Variants in FSIP1 observed in about 807,000 individuals in gnomAD.
FSIP1 encodes the protein fibrous sheath interacting protein 1.
FSIP1 carries 65 observed loss-of-function variants against 60.9 expected under a neutral mutation model. That is an observed-to-expected ratio of 1.07 (90% CI 0.87 to 1.31). The LOEUF is 1.31. FSIP1 is among the 40% of genes most tolerant of loss of function. The pLI, the probability that FSIP1 is intolerant of heterozygous loss-of-function variation, is 0.00. For missense variants in FSIP1, 675 were observed against 665.5 expected (o/e 1.01, Z -0.16); for synonymous variants, 209 against 221.2 (o/e 0.94, Z 0.49).
intron 10 of FSIP1, among the ~76,000 whole-genome samples, chr15:39,635,312 C>T (rs1046759852): frequency 8.7e-5 from 13 of 150,236 alleles, no homozygotes; most frequent in African/African-American, 2.7e-4. Flanking sequence ...TCCATCCTGG[C>T]GACAGAGAGA....
intron 10 of FSIP1, among the ~76,000 whole-genome samples, chr15:39,710,863 G>A (rs1431237442): frequency 6.6e-6 from 1 of 152,194 alleles, no homozygotes; most frequent in Non-Finnish European, 1.5e-5. Flanking sequence ...AAATACTTGG[G>A]ACAGTGCCTG....
At chr15:39,771,251 AATC>A (rs1897876787) in intron 2 of FSIP1, among the ~76,000 whole-genome samples, 1 of 152,176 alleles carries the variant, frequency 6.6e-6, no homozygotes, top group African/African-American at 2.4e-5. Flanking sequence ...CTGTGATGAA[AATC>A]ACTTCAGAAG....
At chr15:39,710,850 G>T (rs532134221) in intron 10 of FSIP1, among the ~76,000 whole-genome samples, 11 of 152,308 alleles carry the variant, frequency 7.2e-5, no homozygotes, top group African/African-American at 2.6e-4. Flanking sequence ...TTTAGTATCT[G>T]TAAAATACTT....
chr15:39,643,875 T>C (rs76417857), intron 10 of FSIP1, among the ~76,000 whole-genome samples: 1,862 of 152,332 alleles, frequency 0.012, 31 homozygotes, highest in African/African-American at 0.043. Flanking sequence ...ATCAATCACA[T>C]TTTTCAACCT....
intron 9 of FSIP1, among the ~76,000 whole-genome samples, chr15:39,718,807 C>G (rs991748306): frequency 5.9e-5 from 9 of 152,102 alleles, no homozygotes; most frequent in Non-Finnish European, 1.2e-4. Context: ...TTTTAATAAA[C>G]TTTTCTGCCA....
rs145059660 is a variant in FSIP1 at position 39,605,913 on chromosome 15, G to T, written c.1700-4987C>A. ...AACCAAGGTGTAGAGGAGAGAGAGA[G>T]AAATTAACTAACTTACCTAAGATCT... is the stretch of plus-strand genomic sequence containing the variant. On this transcript the variant is annotated intron_variant, in intron 11 of 11. Coordinates refer to ENST00000350221, the MANE Select transcript of FSIP1 (RefSeq NM_152597.5). 1.4e-3 allele frequency among the ~76,000 whole-genome samples: 212 copies of T among 152,310 alleles called. 1 individual carries two copies. Among genetic ancestry groups the T allele is most frequent in the African/African-American group, 4.9e-3 (204 of 41,574 alleles).
intron 10 of FSIP1, among the ~76,000 whole-genome samples, chr15:39,630,840 C>G (rs1042463770): frequency 2.6e-5 from 4 of 152,206 alleles, no homozygotes; most frequent in African/African-American, 9.6e-5. Context: ...CATAACATGC[C>G]CCCTCCACAC....
At chr15:39,636,043 T>C (rs1366831056) in intron 10 of FSIP1, among the ~76,000 whole-genome samples, 2 of 152,148 alleles carry the variant, frequency 1.3e-5, no homozygotes, top group Non-Finnish European at 2.9e-5. Context: ...CAGCTCTCCA[T>C]ACCCATGATA....
At chr15:39,632,194 T>A (rs1168094813) in intron 10 of FSIP1, among the ~76,000 whole-genome samples, 3 of 152,200 alleles carry the variant, frequency 2.0e-5, no homozygotes, top group Non-Finnish European at 4.4e-5. Flanking sequence ...GTTGTTGTTG[T>A]TGAGACAGGG....
At chr15:39,777,489 T>C (rs988288090) in intron 1 of FSIP1, among the ~76,000 whole-genome samples, 1 of 152,236 alleles carries the variant, frequency 6.6e-6, no homozygotes, top group Non-Finnish European at 1.5e-5. Context: ...TCATGTGATA[T>C]ATCCACAGGC....
intron 10 of FSIP1, among the ~76,000 whole-genome samples, chr15:39,712,586 G>A (rs948493538): frequency 6.6e-6 from 1 of 152,158 alleles, no homozygotes; most frequent in African/African-American, 2.4e-5. Flanking sequence ...TTTAGTAGGA[G>A]ACCAAAAGGG....
chr15:39,759,072 A>G (rs188945456), intron 5 of FSIP1, among the ~76,000 whole-genome samples: 3 of 152,216 alleles, frequency 2.0e-5, no homozygotes, highest in Non-Finnish European at 2.9e-5. Flanking sequence ...ATTATAACTG[A>G]TGAAAGGAAA....
At chr15:39,647,700 TA>T (rs10706076) in intron 10 of FSIP1, among the ~76,000 whole-genome samples, 67,965 of 151,748 alleles carry the variant, frequency 0.45, 18,009 homozygotes, top group African/African-American at 0.75. Context: ...AATTATCACT[TA>T]ATAGAATGAA....
intron 10 of FSIP1, among the ~76,000 whole-genome samples, chr15:39,643,023 G>C (rs1892441249): frequency 6.6e-6 from 1 of 152,172 alleles, no homozygotes. Context: ...CCATACATTT[G>C]AATCAATAAA....
chr15:39,773,833 G>A (rs1897967521), intron 2 of FSIP1, among the ~76,000 whole-genome samples: 1 of 152,186 alleles, frequency 6.6e-6, no homozygotes, highest in African/African-American at 2.4e-5. Flanking sequence ...ACAGGGAATA[G>A]ATCAGTAATT....
intron 10 of FSIP1, among the ~76,000 whole-genome samples, chr15:39,646,240 A>G (rs1026321233): frequency 6.6e-6 from 1 of 152,016 alleles, no homozygotes; most frequent in Non-Finnish European, 1.5e-5. Context: ...AGTAGAGAGG[A>G]GCTACTCACT....
At chr15:39,669,907 C>T (rs1381832358) in intron 10 of FSIP1, among the ~76,000 whole-genome samples, 2 of 152,210 alleles carry the variant, frequency 1.3e-5, no homozygotes, top group African/African-American at 2.4e-5. Context: ...AAGCTTTATA[C>T]AACTAGTGTC....
chr15:39,599,153 G>C (rs1890553525), downstream of FSIP1: 4 of 152,036 alleles, frequency 2.6e-5, no homozygotes, highest in Admixed American at 2.6e-4. Context: ...AAGCCCTAAA[G>C]GGAAATCCAA....
In FSIP1 at chr15:39,741,799, A is replaced by G. The variant is rs753470440; in HGVS notation, c.655+6T>C. ...AATGTGTATAATCACACAAATTTAA[A>G]TATACCTTTATTGAGTTTCTGCATC... On this transcript the variant is annotated splice_donor_region_variant and intron_variant, in intron 6 of 11. Coordinates refer to ENST00000350221, the MANE Select transcript of FSIP1 (RefSeq NM_152597.5). 2.0e-5 allele frequency: 28 copies of G among 1,412,170 alleles called. No homozygotes were observed. The East Asian group carries it at 5.9e-4, about 30-fold the overall frequency. 87.5% of individuals were successfully genotyped at this position (1,412,170 alleles called of 1,614,324 possible).
Sources: gnomAD v4.1 joint callset for allele counts (sites outside exome capture counted in the v4.1 genomes callset) on GRCh38, gnomAD v4.1.1 for gene constraint, MANE v1.5 for transcripts, NCBI Gene and HGNC (gene_info 2026-07-23, HGNC 2026-07-21) for gene names.